Variants in REST observed in about 807,000 individuals in gnomAD.
REST encodes RE1 silencing transcription factor.
In REST, 1 loss-of-function variant was observed where a neutral mutation model predicts 30.4. The ratio of observed to expected loss-of-function variants is 0.03; its 90% CI spans 0.01 to 0.16. REST has a LOEUF of 0.16. Ranked by LOEUF, REST falls within the 10% of genes least tolerant of loss-of-function variation. The probability of loss-of-function intolerance (pLI) is 1.00; values close to 1 mark genes in which losing one functional copy is unlikely to be tolerated. For missense variants in REST, 1,259 were observed against 1,329.5 expected (o/e 0.95, Z 0.82); for synonymous variants, 504 against 451.1 (o/e 1.12, Z -1.49).
At position 56,919,769 on chromosome 4, in the gene REST, A is replaced by C. The variant is rs754937812; in HGVS notation, c.899-18A>C. Reference sequence around the variant, plus strand: ...TTTCGTGACATTTAAACACTCTTATATTATTGAAATTTTGCAGGAGAACGC... The same window carrying C: ...TTTCGTGACATTTAAACACTCTTATCTTATTGAAATTTTGCAGGAGAACGC... On this transcript the variant is annotated intron_variant, in intron 2 of 3. Transcript: ENST00000309042. 2 of 1,527,980 alleles carry C rather than the reference A, an allele frequency of 1.3e-6. No individual in the cohort carries two copies. The highest frequency in any genetic ancestry group is 1.8e-6 in the Non-Finnish European group (2 of 1,105,578). 94.7% of individuals were successfully genotyped at this position (1,527,980 alleles called of 1,614,324 possible).
chr4:56,917,575 G>T (rs138602343), intron 2 of REST, among the ~76,000 whole-genome samples: 1 of 152,090 alleles, frequency 6.6e-6, no homozygotes, highest in African/African-American at 2.4e-5. Flanking sequence ...TTTATTGAGG[G>T]CTTTACTATG....
At chr4:56,909,584 G>A (rs1210139089) in intron 1 of REST, 1 of 152,254 alleles carries the variant, frequency 6.6e-6, no homozygotes, top group East Asian at 1.9e-4. Flanking sequence ...TCCAACTTTT[G>A]TTGGTACGTA....
Position 56,910,680 on chromosome 4 carries a change from G to T in REST, c.42G>T (p.Gly14=). The change falls in exon 2 of 4, where the codon GGG becomes GGT. Residue 14 remains glycine, a synonymous_variant. Coordinates refer to ENST00000309042, the MANE Select transcript of REST (RefSeq NM_005612.5). ...QVMGQSSGGG[G]LFTSSGNIGM... ...TGGGGCAGTCTTCTGGAGGAGGAGG[G>T]CTGTTTACCAGCAGTGGCAACATTG... The T allele has an allele frequency of 6.2e-7, 1 of 1,613,778 alleles. No homozygotes were observed. The highest frequency in any genetic ancestry group is 1.1e-5 in the South Asian group (1 of 91,074).
In REST at chr4:56,924,101, T is replaced by C. The variant is rs185374932; in HGVS notation, c.982+4231T>C. On this transcript the variant is annotated intron_variant, in intron 3 of 3. Coordinates refer to ENST00000309042, the MANE Select transcript of REST (RefSeq NM_005612.5). ...TCAAACTCCTGGCCTCAAGCAGTTCTCTTGTCTCAGCCTCCCAAAGTGTTG... is the reference window on the plus strand; with the variant it reads ...TCAAACTCCTGGCCTCAAGCAGTTCCCTTGTCTCAGCCTCCCAAAGTGTTG... 1.2e-3 allele frequency among the ~76,000 whole-genome samples: 181 copies of C among 152,030 alleles called. 1 individual carries two copies. The highest frequency in any genetic ancestry group is 2.0e-3 in the Non-Finnish European group (138 of 67,958).
Position 56,933,732 on chromosome 4 carries a change from C to T in REST, c.*1580C>T, listed in dbSNP as rs1461064437. The stretch of plus-strand genomic sequence containing the variant: ...CAGTTGCCAAAGAGTGTGAAAGAAT[C>T]CAATAGAGGATTTTTCTTACTGATA... On this transcript the variant is annotated 3_prime_UTR_variant, in exon 4 of 4. Transcript: ENST00000309042. The T allele has an allele frequency of 1.3e-5, 2 of 152,080 alleles. No individual in the cohort carries two copies. The highest frequency in any genetic ancestry group is 2.9e-5 in the Non-Finnish European group (2 of 68,004). The allele number at this position is 152,080 out of a possible 1,614,324, so 9.4% of individuals were successfully genotyped here.
rs867831707 is a variant in REST, at chr4:56,919,791, A to G, written c.903A>G (p.Glu301=). The G allele has an allele frequency of 1.9e-6, 3 of 1,601,054 alleles. No homozygotes were observed. Among genetic ancestry groups the G allele is most frequent in the Middle Eastern group, 3.3e-4 (2 of 6,022 alleles). ...TATATTATTGAAATTTTGCAGGAGA[A>G]CGCCCATATAAATGTGAACTTTGTC... ...YVQHVRTHTG[E]RPYKCELCPY... Residue 301 remains glutamate (E), a synonymous_variant, in exon 3 of 4, where the codon GAA becomes GAG. Coordinates refer to ENST00000309042, the MANE Select transcript of REST (RefSeq NM_005612.5).
chr4:56,916,936 T>C (rs1168869725), intron 2 of REST, among the ~76,000 whole-genome samples: 1 of 152,254 alleles, frequency 6.6e-6, no homozygotes, highest in Admixed American at 6.5e-5. Context: ...ATTGCCAAAC[T>C]GTTTTCCAAA....
At chr4:56,928,129 C>T (rs536479372) in intron 3 of REST, among the ~76,000 whole-genome samples, 2 of 152,146 alleles carry the variant, frequency 1.3e-5, no homozygotes, top group South Asian at 4.2e-4. Flanking sequence ...ATTTTTGAGA[C>T]GAAGTTTCGC....
At chr4:56,912,159 C>T (rs1458165662) in intron 2 of REST, among the ~76,000 whole-genome samples, 2 of 152,064 alleles carry the variant, frequency 1.3e-5, no homozygotes, top group Non-Finnish European at 2.9e-5. Flanking sequence ...AATGGAACAA[C>T]TTGTCTTTGT....
chr4:56,914,924 T>C (rs1720113280), intron 2 of REST, among the ~76,000 whole-genome samples: 2 of 26,780 alleles, frequency 7.5e-5, no homozygotes, highest in East Asian at 1.4e-3. Flanking sequence ...TTTTTTAACT[T>C]TTTTTTTTTT....
Position 56,930,806 on chromosome 4 carries a change from G to A in REST, c.1948G>A (p.Glu650Lys), listed in dbSNP as rs1334359309. The A allele has an allele frequency of 2.5e-6, 4 of 1,607,424 alleles. No individual in the cohort carries two copies. Among genetic ancestry groups the A allele is most frequent in the African/African-American group, 2.7e-5 (2 of 74,556 alleles). The change falls in exon 4 of 4, where the codon GAG becomes AAG. Residue 650 changes from glutamate to lysine, a missense_variant. Coordinates refer to ENST00000309042, the MANE Select transcript of REST (RefSeq NM_005612.5). Reference sequence around the variant, plus strand: ...TGCCCAGATACGGCCTGCTCCTGACGAGCCTGTTCAGATGGAGGTGGTTCA... The same window carrying A: ...TGCCCAGATACGGCCTGCTCCTGACAAGCCTGTTCAGATGGAGGTGGTTCA... ...EGAQIRPAPD[E>K]PVQMEVVQEG...
intron 3 of REST, among the ~76,000 whole-genome samples, chr4:56,922,990 A>G (rs1025568490): frequency 5.3e-5 from 8 of 152,200 alleles, no homozygotes; most frequent in African/African-American, 1.4e-4. Flanking sequence ...TTAAATGTTT[A>G]TGGTGTTTTA....
intron 3 of REST, among the ~76,000 whole-genome samples, chr4:56,925,213 T>A (rs955563397): frequency 3.3e-5 from 5 of 152,042 alleles, no homozygotes; most frequent in Middle Eastern, 3.4e-3. Context: ...TTGGTTTTTG[T>A]TTTGTTTTGT....
In REST at chr4:56,908,051, C is replaced by A; in HGVS notation, c.-172C>A. On this transcript the variant is annotated 5_prime_UTR_variant, in exon 1 of 4. Transcript: ENST00000309042. Reference sequence around the variant, plus strand: ...GGGCGAGGCCCGGAGGCCTGAGCACCCTCTGCAGCCCCACTCCTGGGCCTT... The same window carrying A: ...GGGCGAGGCCCGGAGGCCTGAGCACACTCTGCAGCCCCACTCCTGGGCCTT... The A allele has an allele frequency of 2.8e-6, 1 of 362,790 alleles. No homozygotes were observed. Among genetic ancestry groups the A allele is most frequent in the South Asian group, 1.4e-4 (1 of 7,406 alleles). The allele number at this position is 362,790 out of a possible 1,614,324, so 22.5% of individuals were successfully genotyped here.
chr4:56,929,759 C>T (rs937224802), intron 3 of REST, 82 bp from the exon 4 acceptor site: 6 of 1,250,064 alleles, frequency 4.8e-6, no homozygotes, highest in Non-Finnish European at 6.6e-6. Context: ...TTTGTTGTTA[C>T]TTTACATATA....
Position 56,931,372 on chromosome 4 carries a change from T to C in REST, c.2514T>C (p.Ile838=), listed in dbSNP as rs753549190. Residue 838 remains isoleucine, a synonymous_variant, in exon 4 of 4, where the codon ATT becomes ATC. Transcript: ENST00000309042. ...SERARKEQVL[I]EVGLVPVKDS... is the part of the protein sequence containing the mutation. ...GGGCACGGAAGGAGCAAGTCCTTAT[T>C]GAAGTTGGCTTAGTGCCTGTTAAAG... 1.2e-6 allele frequency: 2 copies of C among 1,614,240 alleles called. No individual in the cohort carries two copies. The highest frequency in any genetic ancestry group is 1.1e-5 in the South Asian group (1 of 91,090).
chr4:56,930,016 A>T lies in REST; in HGVS notation c.1158A>T (p.Pro386=), dbSNP rs1219312576. 1.9e-6 allele frequency: 3 copies of T among 1,614,102 alleles called. No homozygotes were observed. In the East Asian group the frequency reaches 6.7e-5, roughly 36 times the overall value. Residue 386 remains proline (P), a synonymous_variant, in exon 4 of 4, where the codon CCA becomes CCT. Transcript: ENST00000309042. ...FKKHVELHVN[P]RQFNCPVCDY... ...AACATGTAGAGCTACATGTGAACCC[A>T]CGGCAGTTCAATTGCCCTGTATGTG... is the stretch of plus-strand genomic sequence containing the variant.
rs911049680 is a variant in REST, at chr4:56,932,335, A to G, written c.*183A>G. The G allele has an allele frequency of 3.6e-5, 23 of 633,542 alleles. No individual in the cohort carries two copies. Among genetic ancestry groups the G allele is most frequent in the Non-Finnish European group, 6.0e-5 (23 of 383,552 alleles). The allele number at this position is 633,542 out of a possible 1,614,324, so 39.2% of individuals were successfully genotyped here. ...TTGATTGTTGTGTAAATTTTAGTAA[A>G]TCTAAGAGAGTGTACTAAACCAGCA... On this transcript the variant is annotated 3_prime_UTR_variant, in exon 4 of 4. Transcript: ENST00000309042.
intron 3 of REST, among the ~76,000 whole-genome samples, chr4:56,920,491 G>A (rs901693905): frequency 6.6e-6 from 1 of 151,866 alleles, no homozygotes; most frequent in African/African-American, 2.4e-5. Flanking sequence ...GGCCAGCATG[G>A]TGGCTCACGC....
Sources: allele counts gnomAD v4.1 joint callset (sites outside exome capture counted in the v4.1 genomes callset), GRCh38; gene constraint gnomAD v4.1.1; transcripts MANE v1.5; gene names NCBI Gene and HGNC (gene_info 2026-07-23, HGNC 2026-07-21).